The following PKIA variants were observed in gnomAD, a reference collection of about 807,000 sequenced individuals.
PKIA encodes cAMP-dependent protein kinase inhibitor alpha.
PKIA carries 4 observed loss-of-function variants against 7.6 expected under a neutral mutation model. The ratio of observed to expected loss-of-function variants is 0.52; its 90% CI spans 0.26 to 1.20. The LOEUF (loss-of-function observed/expected upper bound fraction) is 1.20. PKIA is among the 50% of genes most tolerant of loss of function. The pLI is 0.13. For synonymous variants in PKIA, 21 were observed against 30.7 expected (o/e 0.68, Z 1.04); for missense variants, 73 against 86.2 (o/e 0.85, Z 0.61).
intron 1 of PKIA, among the ~76,000 whole-genome samples, chr8:78,542,512 G>C (rs561429540): frequency 1.3e-5 from 2 of 152,116 alleles, no homozygotes; most frequent in Non-Finnish European, 2.9e-5. Context: ...GTAAACGTCA[G>C]AAATGTAAAA....
At chr8:78,588,770 G>T (rs1808021049) in intron 2 of PKIA, among the ~76,000 whole-genome samples, 1 of 151,894 alleles carries the variant, frequency 6.6e-6, no homozygotes, top group African/African-American at 2.4e-5. Flanking sequence ...GAGGAAGCAG[G>T]GAAAATTAGT....
At chr8:78,544,027 G>A (rs1441928974) in intron 1 of PKIA, among the ~76,000 whole-genome samples, 1 of 152,046 alleles carries the variant, frequency 6.6e-6, no homozygotes, top group Admixed American at 6.6e-5. Flanking sequence ...AACTATGCCA[G>A]GAATTTGATG....
At chr8:78,518,466 CTAA>C (rs1809356746) in intron 1 of PKIA, among the ~76,000 whole-genome samples, 2 of 152,036 alleles carry the variant, frequency 1.3e-5, no homozygotes, top group Admixed American at 6.5e-5. Context: ...CTGAATAATA[CTAA>C]TATAGAATAA....
chr8:78,559,252 C>T (rs1337817902), intron 1 of PKIA, among the ~76,000 whole-genome samples: 1 of 152,080 alleles, frequency 6.6e-6, no homozygotes, highest in East Asian at 1.9e-4. Flanking sequence ...TTAAATCTCA[C>T]ATATATACTA....
intron 2 of PKIA, among the ~76,000 whole-genome samples, chr8:78,591,536 G>C (rs1808093912): frequency 6.6e-6 from 1 of 152,144 alleles, no homozygotes; most frequent in African/African-American, 2.4e-5. Context: ...AAAAGAGAGA[G>C]CAAGATTATT....
Position 78,558,740 on chromosome 8 carries a change from T to G in PKIA, c.-156-14071T>G, listed in dbSNP as rs1413875026. On this transcript the variant is annotated intron_variant, in intron 1 of 3. Coordinates refer to ENST00000396418, the MANE Select transcript of PKIA (RefSeq NM_006823.4). Reference sequence around the variant, plus strand: ...AATAATCAACAAATGTTCACGTATTTCCTTTACATCAGGTGGAGTAAAAGA... The same window carrying G: ...AATAATCAACAAATGTTCACGTATTGCCTTTACATCAGGTGGAGTAAAAGA... 3.9e-5 allele frequency among the ~76,000 whole-genome samples: 6 copies of G among 152,178 alleles called. No homozygotes were observed. In the East Asian group the frequency reaches 1.2e-3, roughly 29 times the overall value.
chr8:78,559,764 A>C (rs1464914876), intron 1 of PKIA, among the ~76,000 whole-genome samples: 3 of 152,216 alleles, frequency 2.0e-5, no homozygotes, highest in Non-Finnish European at 4.4e-5. Flanking sequence ...AGTTGAGAAA[A>C]CCCAGTTTGA....
At chr8:78,518,639 C>T (rs796609984) in intron 1 of PKIA, among the ~76,000 whole-genome samples, 3 of 152,046 alleles carry the variant, frequency 2.0e-5, no homozygotes, top group African/African-American at 4.8e-5. Flanking sequence ...GTTAGAAATT[C>T]GAAGTGTCTA....
chr8:78,538,828 G>C (rs1448144865), intron 1 of PKIA, among the ~76,000 whole-genome samples: 2 of 151,982 alleles, frequency 1.3e-5, no homozygotes, highest in African/African-American at 4.8e-5. Context: ...GTATTGAATA[G>C]GTCAAAATAT....
chr8:78,520,782 A>G (rs1377855141), intron 1 of PKIA, among the ~76,000 whole-genome samples: 1 of 152,182 alleles, frequency 6.6e-6, no homozygotes, highest in Admixed American at 6.5e-5. Flanking sequence ...TTTTGCATAC[A>G]AATGCAGGTG....
chr8:78,578,699 T>C (rs1488001831), intron 2 of PKIA, among the ~76,000 whole-genome samples: 1 of 152,006 alleles, frequency 6.6e-6, no homozygotes, highest in Non-Finnish European at 1.5e-5. Context: ...CCTTTCTCAC[T>C]TCACATTTCT....
chr8:78,544,824 C>T (rs981388479), intron 1 of PKIA, among the ~76,000 whole-genome samples: 6 of 151,966 alleles, frequency 3.9e-5, no homozygotes, highest in African/African-American at 7.2e-5. Context: ...ATTATAACCC[C>T]GTCTTCAAAT....
At chr8:78,559,740 G>GTTA (rs2118510106) in intron 1 of PKIA, among the ~76,000 whole-genome samples, 2 of 152,236 alleles carry the variant, frequency 1.3e-5, no homozygotes, top group African/African-American at 4.8e-5. Context: ...TTTATCTGTA[G>GTTA]TTATTATACA....
At chr8:78,548,968 T>C (rs187893810) in intron 1 of PKIA, among the ~76,000 whole-genome samples, 6 of 152,186 alleles carry the variant, frequency 3.9e-5, no homozygotes, top group Non-Finnish European at 5.9e-5. Context: ...TACATGAATC[T>C]CCATTATATT....
In PKIA at chr8:78,531,021, C is replaced by T. The variant is rs113571531; in HGVS notation, c.-157+14553C>T. On this transcript the variant is annotated intron_variant, in intron 1 of 3. Transcript: ENST00000396418. The stretch of plus-strand genomic sequence containing the variant: ...GCCTGACACCTACTAAGTACCCTTT[C>T]GCCGCCTACAAGAAAGCATTTATAT... Among the ~76,000 whole-genome samples, 980 of 152,170 alleles carry T rather than the reference C, an allele frequency of 6.4e-3. 4 individuals carry two copies. Among genetic ancestry groups the T allele is most frequent in the Non-Finnish European group, 0.011 (726 of 67,962 alleles).
At position 78,602,485 on chromosome 8, in the gene PKIA, A is replaced by G. The variant is rs2130300096; in HGVS notation, c.*664A>G. 1 of 152,398 alleles carries G rather than the reference A, an allele frequency of 6.6e-6. No homozygotes were observed. Among genetic ancestry groups the G allele is most frequent in the Non-Finnish European group, 1.5e-5 (1 of 67,896 alleles). 9.4% of individuals were successfully genotyped at this position (152,398 alleles called of 1,614,324 possible). A position where few individuals can be genotyped will look rare whatever the true frequency, so the allele number is the denominator to read the frequency against. ...TACACAGGATAGAACACCCTTTTTT[A>G]AAACACAGTCTTTCCCCTTGCTCAT... is the stretch of plus-strand genomic sequence containing the variant. On this transcript the variant is annotated 3_prime_UTR_variant, in exon 4 of 4. Transcript: ENST00000396418.
chr8:78,592,759 C>A (rs902701471), intron 2 of PKIA, among the ~76,000 whole-genome samples: 5 of 152,182 alleles, frequency 3.3e-5, no homozygotes, highest in Middle Eastern at 3.2e-3. Flanking sequence ...AAGACACTTT[C>A]TTTTATATAT....
At chr8:78,540,020 AAAGAGG>A (rs1480946343) in intron 1 of PKIA, among the ~76,000 whole-genome samples, 1 of 151,966 alleles carries the variant, frequency 6.6e-6, no homozygotes, top group African/African-American at 2.4e-5. Context: ...GGTCAAGAAG[AAAGAGG>A]AGTGTGGCAA....
chr8:78,555,907 C>T (rs2118492197), intron 1 of PKIA, among the ~76,000 whole-genome samples: 1 of 152,116 alleles, frequency 6.6e-6, no homozygotes, highest in East Asian at 1.9e-4. Context: ...TGAAATGTCT[C>T]CCAACACTAT....
Sources: gnomAD v4.1 joint callset for allele counts (sites outside exome capture counted in the v4.1 genomes callset) on GRCh38, gnomAD v4.1.1 for gene constraint, MANE v1.5 for transcripts, NCBI Gene and HGNC (gene_info 2026-07-23, HGNC 2026-07-21) for gene names.